Variants in MPHOSPH9 observed in about 807,000 individuals in gnomAD.
MPHOSPH9 encodes M-phase phosphoprotein 9.
Under a neutral mutation model 145.5 loss-of-function variants are expected in MPHOSPH9, and 88 were observed. The observed-to-expected ratio is 0.60, with a 90% CI of 0.51 to 0.72. MPHOSPH9 has a LOEUF of 0.72. Among genes scored for constraint, MPHOSPH9 ranks in the 30% least tolerant of loss-of-function variants. The pLI is 0.00. For synonymous variants in MPHOSPH9, 435 were observed against 486.2 expected, an observed-to-expected ratio of 0.89 and a Z score of 1.39; for missense variants, 1,238 against 1,386.6, an observed-to-expected ratio of 0.89 and a Z score of 1.70.
At position 123,203,021 on chromosome 12, in the gene MPHOSPH9, G is replaced by A; in HGVS notation, c.1384C>T (p.His462Tyr). Reference sequence around the variant, plus strand: ...TCATCAAGGGCATTCGGAAGGCCGTGAGGTTGAATCCCTGAAATCTGCTGC... The same window carrying A: ...TCATCAAGGGCATTCGGAAGGCCGTAAGGTTGAATCCCTGAAATCTGCTGC... ...PKQQISGIQPHGLPNALDDRI... is the reference protein window; with the variant it reads ...PKQQISGIQPYGLPNALDDRI... Residue 462 changes from histidine to tyrosine, a missense_variant, in exon 10 of 24, where the codon CAC becomes TAC. Physicochemically the swap from His to Tyr is moderately conservative, Grantham distance 83 (BLOSUM62 2). Coordinates refer to ENST00000606320, the MANE Select transcript of MPHOSPH9 (RefSeq NM_022782.4). The A allele has an allele frequency of 6.2e-7, 1 of 1,614,214 alleles. No individual in the cohort carries two copies. Among genetic ancestry groups the A allele is most frequent in the South Asian group, 1.1e-5 (1 of 91,084 alleles).
At chr12:123,204,046 A>G (rs1229055893) in intron 8 of MPHOSPH9, among the ~76,000 whole-genome samples, 1 of 152,106 alleles carries the variant, frequency 6.6e-6, no homozygotes, top group African/African-American at 2.4e-5. Context: ...GCTCATGCCT[A>G]TAATCCCAGC....
At chr12:123,201,255 G>A (rs1034693096) in intron 11 of MPHOSPH9, among the ~76,000 whole-genome samples, 1 of 144,384 alleles carries the variant, frequency 6.9e-6, no homozygotes, top group African/African-American at 2.5e-5. Flanking sequence ...TTTTTTGAAA[G>A]TTAAACTGTT....
intron 5 of MPHOSPH9, among the ~76,000 whole-genome samples, chr12:123,220,900 A>G (rs1311605246): frequency 6.6e-6 from 1 of 151,896 alleles, no homozygotes; most frequent in Non-Finnish European, 1.5e-5. Context: ...CTAAAAATAC[A>G]AAAAATTAGC....
At chr12:123,173,032 T>G (rs2044661896) in intron 16 of MPHOSPH9, among the ~76,000 whole-genome samples, 1 of 151,826 alleles carries the variant, frequency 6.6e-6, no homozygotes, top group Non-Finnish European at 1.5e-5. Context: ...TGCACCACTA[T>G]GCCTGGCTTA....
At chr12:123,191,167 C>A (rs2045660792) in intron 13 of MPHOSPH9, among the ~76,000 whole-genome samples, 1 of 151,568 alleles carries the variant, frequency 6.6e-6, no homozygotes, top group African/African-American at 2.4e-5. Flanking sequence ...ATCAAAAATA[C>A]AAAATTAGCC....
chr12:123,170,148 CTT>C (rs879546815), intron 16 of MPHOSPH9, among the ~76,000 whole-genome samples: 2 of 140,776 alleles, frequency 1.4e-5, no homozygotes, highest in Admixed American at 7.1e-5. Context: ...CCACACCCAG[CTT>C]TTTTTTTTTT....
intron 20 of MPHOSPH9, 45 bp from the exon 21 acceptor site, chr12:123,162,263 G>A: frequency 9.1e-7 from 1 of 1,098,572 alleles, no homozygotes; most frequent in Non-Finnish European, 1.3e-6. Context: ...AATGTTAACT[G>A]ATTTTCCCTA....
At chr12:123,201,160 T>C (rs1457976721) in intron 11 of MPHOSPH9, among the ~76,000 whole-genome samples, 1 of 152,158 alleles carries the variant, frequency 6.6e-6, no homozygotes, top group African/African-American at 2.4e-5. Flanking sequence ...AAGACAGCCA[T>C]GTTAACTACC....
In MPHOSPH9 at chr12:123,156,812, G is replaced by A. The variant is rs1175243616; in HGVS notation, c.3547C>T (p.Leu1183Phe). ...KFHVLRTSANL is the reference protein window; with the variant it reads ...KFHVLRTSANF ...AAATTTAATGGCTACAAATCTCAAAGATTTGCAGAGGTGCGCAAAACATGG... is the reference window on the plus strand; with the variant it reads ...AAATTTAATGGCTACAAATCTCAAAAATTTGCAGAGGTGCGCAAAACATGG... Residue 1183 changes from leucine to phenylalanine, a missense_variant, in exon 24 of 24, where the codon CTT becomes TTT. Transcript: ENST00000606320. The A allele has an allele frequency of 6.2e-7, 1 of 1,610,318 alleles. No homozygotes were observed. The highest frequency in any genetic ancestry group is 1.3e-5 in the African/African-American group (1 of 75,008).
chr12:123,211,643 A>C (rs186058413), intron 7 of MPHOSPH9, among the ~76,000 whole-genome samples: 1 of 150,740 alleles, frequency 6.6e-6, no homozygotes, highest in Admixed American at 6.6e-5. Context: ...GTTGTGAGCT[A>C]CCAGGTCCAG....
At chr12:123,223,319 G>A (rs1178701513) in intron 3 of MPHOSPH9, among the ~76,000 whole-genome samples, 192 bp from the exon 4 acceptor site, 1 of 152,016 alleles carries the variant, frequency 6.6e-6, no homozygotes, top group African/African-American at 2.4e-5. Context: ...AGAAGGCTAC[G>A]TTCAGCCTCA....
At chr12:123,188,991 A>G (rs2045565955) in intron 13 of MPHOSPH9, among the ~76,000 whole-genome samples, 1 of 152,190 alleles carries the variant, frequency 6.6e-6, no homozygotes, top group South Asian at 2.1e-4. Flanking sequence ...AGCTATAATC[A>G]TGCCACTACA....
At chr12:123,212,863 CT>C (rs1321106569) in intron 7 of MPHOSPH9, among the ~76,000 whole-genome samples, 292 of 106,534 alleles carry the variant, frequency 2.7e-3, no homozygotes, top group Middle Eastern at 6.1e-3. Context: ...TTCTGTTATT[CT>C]TTTTTTTTTT....
intron 16 of MPHOSPH9, among the ~76,000 whole-genome samples, chr12:123,168,499 G>T (rs2682425): frequency 0.82 from 121,327 of 147,700 alleles, 49,925 homozygotes; most frequent in East Asian, 0.96. Flanking sequence ...CTGCCACCAC[G>T]CCCGGCTAAT....
At chr12:123,163,866 G>A (rs1263379602) in intron 19 of MPHOSPH9, 84 bp downstream of exon 19, 4 of 1,553,342 alleles carry the variant, frequency 2.6e-6, no homozygotes, top group Non-Finnish European at 3.5e-6. Context: ...AGAGAAACCA[G>A]AAACAGGCAA....
chr12:123,200,325 A>T, intron 11 of MPHOSPH9, among the ~76,000 whole-genome samples: 1 of 151,582 alleles, frequency 6.6e-6, no homozygotes, highest in East Asian at 1.9e-4. Context: ...ACCATAAGCC[A>T]GATCAAATCT....
rs143092715 is a variant in MPHOSPH9, at chr12:123,163,031, A to C, written c.3012T>G (p.Asn1004Lys). ...SPGFSHLLSK[N>K]ESSPIRFDIL... Reference sequence around the variant, plus strand: ...GAACTTACCGAATTGGACTGCTCTCATTTTTGCTAAGCAGATGACTAAATC... The same window carrying C: ...GAACTTACCGAATTGGACTGCTCTCCTTTTTGCTAAGCAGATGACTAAATC... The change falls in exon 20 of 24, where the codon AAT becomes AAG. Residue 1004 changes from asparagine (N) to lysine (K), a missense_variant. By Grantham distance (94) the Asn-to-Lys change is moderately conservative (BLOSUM62 0). Around this residue, in one of 3 missense-constraint regions of MPHOSPH9, gnomAD observed 393 missense variants for 462.5 expected, o/e 0.85. Transcript: ENST00000606320. The C allele has an allele frequency of 5.2e-4, 824 of 1,577,608 alleles. 4 individuals carry two copies. In the African/African-American group the frequency reaches 0.01, roughly 20 times the overall value.
chr12:123,160,274 A>T (rs1593056337), intron 23 of MPHOSPH9: 1 of 152,440 alleles, frequency 6.6e-6, no homozygotes, highest in African/African-American at 2.4e-5. Flanking sequence ...CAGGTGATAC[A>T]CCAGCCTCAG....
At chr12:123,233,650 G>C (rs1408556658), upstream of MPHOSPH9, 1 of 152,314 alleles carries the variant, frequency 6.6e-6, no homozygotes. Context: ...CCCGAGTGGC[G>C]CAGCCAGTTT....
Sources: allele counts gnomAD v4.1 joint callset (sites outside exome capture counted in the v4.1 genomes callset), GRCh38; gene constraint gnomAD v4.1.1; regional missense constraint gnomAD v4.1.1; transcripts MANE v1.5; gene names NCBI Gene and HGNC (gene_info 2026-07-23, HGNC 2026-07-21).